The following INTS11 variants were observed in gnomAD, a reference collection of about 807,000 sequenced individuals.
INTS11 encodes integrator complex subunit 11, also known as CPSF3-like protein.
In INTS11, 77 loss-of-function variants were observed where a neutral mutation model predicts 78.6. That is an observed-to-expected ratio of 0.98 (90% confidence interval 0.81 to 1.18). The LOEUF (loss-of-function observed/expected upper bound fraction) is 1.18, where lower values mean the gene tolerates loss of function less well. INTS11 is among the 50% of genes most tolerant of loss of function. The probability of loss-of-function intolerance (pLI) is 0.00; values close to 1 mark genes in which losing one functional copy is unlikely to be tolerated. For missense variants in INTS11, 875 were observed against 825.9 expected, an observed-to-expected ratio of 1.06 and a Z score of -0.73; for synonymous variants, 441 against 326.9, an observed-to-expected ratio of 1.35 and a Z score of -3.77.
Position 1,312,638 on chromosome 1 carries a change from G to T in INTS11, c.1357C>A (p.Pro453Thr). ...AGCAGCCCCAGCGAGATGCCTACGGGGATGCTGGGGCTTGTGGGCAGCGTC... is the reference window on the plus strand; with the variant it reads ...AGCAGCCCCAGCGAGATGCCTACGGTGATGCTGGGGCTTGTGGGCAGCGTC... ...TVTLPTSPSI[P>T]VGISLGLLKR... Residue 453 changes from proline to threonine, a missense_variant, in exon 13 of 17, where the codon CCC becomes ACC. Coordinates refer to ENST00000435064, the MANE Select transcript of INTS11 (RefSeq NM_017871.6). The T allele has an allele frequency of 6.3e-7, 1 of 1,591,066 alleles. No homozygotes were observed. Among genetic ancestry groups the T allele is most frequent in the East Asian group, 2.3e-5 (1 of 44,398 alleles).
At chr1:1,317,353 C>A (rs914980222) in intron 4 of INTS11, 1 of 377,002 alleles carries the variant, frequency 2.7e-6, no homozygotes, top group South Asian at 1.1e-4. Context: ...TGAGATCGCA[C>A]CACTGCACTA....
chr1:1,312,363 G>C lies in INTS11; in HGVS notation c.1470C>G (p.Phe490Leu), dbSNP rs1214623876. 5 of 1,565,914 alleles carry C rather than the reference G, an allele frequency of 3.2e-6. No individual in the cohort carries two copies. The highest frequency in any genetic ancestry group is 2.3e-5 in the South Asian group (2 of 85,434). ...GGGCTTGCTCTGAGGACACCAGCCGGAAGTTCTGTGGGGCAGGGACAGGTC... is the reference window on the plus strand; with the variant it reads ...GGGCTTGCTCTGAGGACACCAGCCGCAAGTTCTGTGGGGCAGGGACAGGTC... ...HGTLIMKDSN[F>L]RLVSSEQALK... The change falls in exon 15 of 17, where the codon TTC becomes TTG. Residue 490 changes from phenylalanine to leucine, a missense_variant. Phe to Leu is a conservative substitution (Grantham distance 22). Transcript: ENST00000435064.
chr1:1,322,567 G>T (rs1453025423), intron 1 of INTS11, among the ~76,000 whole-genome samples: 1 of 83,686 alleles, frequency 1.2e-5, no homozygotes, highest in Non-Finnish European at 2.5e-5. Flanking sequence ...GGGGGAGGGG[G>T]AGGGACGGGG....
chr1:1,315,371 C>T (rs748904779), intron 6 of INTS11, 33 bp downstream of exon 6: 1 of 1,612,876 alleles, frequency 6.2e-7, no homozygotes, highest in African/African-American at 1.3e-5. Context: ...CCAGGGGGGC[C>T]CACGGGACAA....
chr1:1,311,949 G>A (rs564287594), intron 16 of INTS11, 25 bp from the exon 17 acceptor site: 10 of 1,586,190 alleles, frequency 6.3e-6, no homozygotes, highest in South Asian at 2.3e-5. Flanking sequence ...AAAGCATTGT[G>A]GGTGGTGCAG....
intron 4 of INTS11, chr1:1,317,353 C>T (rs914980222): frequency 1.1e-5 from 4 of 377,002 alleles, no homozygotes; most frequent in African/African-American, 2.2e-5. Context: ...TGAGATCGCA[C>T]CACTGCACTA....
intron 1 of INTS11, chr1:1,321,888 T>TC: frequency 1.5e-6 from 2 of 1,318,212 alleles, no homozygotes; most frequent in Non-Finnish European, 9.8e-7. Context: ...TGAACAGTTT[T>TC]CCCCTTGAAT....
In INTS11 at chr1:1,312,448, T is replaced by C; in HGVS notation, c.1456A>G (p.Lys486Glu). 1.3e-6 allele frequency: 2 copies of C among 1,570,788 alleles called. No homozygotes were observed. Among genetic ancestry groups the C allele is most frequent in the Non-Finnish European group, 1.7e-6 (2 of 1,158,514 alleles). The stretch of plus-strand genomic sequence containing the variant: ...ACCGTCCTGGCACTCACGCTGTCCT[T>C]CATGATCAGGGTGCCGTGCAGGAGC... Reference protein sequence around the residue: ...PRLLHGTLIMKDSNFRLVSSE... With the variant: ...PRLLHGTLIMEDSNFRLVSSE... The change falls in exon 14 of 17, where the codon AAG (lysine) becomes GAG (glutamate). Residue 486 changes from lysine to glutamate, a missense_variant. Physicochemically the swap from Lys to Glu is moderately conservative, Grantham distance 56 (BLOSUM62 1). Coordinates refer to ENST00000435064, the MANE Select transcript of INTS11 (RefSeq NM_017871.6).
Position 1,314,809 on chromosome 1 carries a change from C to T in INTS11, c.702+15G>A. 2 of 1,606,386 alleles carry T rather than the reference C, an allele frequency of 1.2e-6. No homozygotes were observed. The highest frequency in any genetic ancestry group is 1.3e-5 in the African/African-American group (1 of 74,928). Reference sequence around the variant, plus strand: ...CATGGCCGAGGGCCCATGTCCCCACCCCTGCTGCAGCTACCTTCCCACCAC... The same window carrying T: ...CATGGCCGAGGGCCCATGTCCCCACTCCTGCTGCAGCTACCTTCCCACCAC... On this transcript the variant is annotated intron_variant, in intron 7 of 16. Coordinates refer to ENST00000435064, the MANE Select transcript of INTS11 (RefSeq NM_017871.6). The surrounding 1 kb of genome is among the most constrained non-coding windows in gnomAD (Gnocchi z 4.2).
intron 1 of INTS11, among the ~76,000 whole-genome samples, chr1:1,321,388 G>A (rs1642939279): frequency 6.6e-6 from 1 of 152,098 alleles, no homozygotes; most frequent in Non-Finnish European, 1.5e-5. Context: ...GCACTGTGCT[G>A]TGGCCCTCAG....
intron 1 of INTS11, chr1:1,321,816 GC>G (rs1642962698): frequency 1.0e-6 from 1 of 955,962 alleles, no homozygotes; most frequent in Non-Finnish European, 1.4e-6. Context: ...TGGCCTGGGG[GC>G]CCGAGAGGAA....
At chr1:1,318,971 C>G in intron 4 of INTS11, 1 of 717,294 alleles carries the variant, frequency 1.4e-6, no homozygotes, top group South Asian at 1.5e-5. Flanking sequence ...TCCAGCGAGT[C>G]TCTGGCCGCT....
At chr1:1,315,269 A>C in intron 6 of INTS11, 135 bp downstream of exon 6, 1 of 1,107,304 alleles carries the variant, frequency 9.0e-7, no homozygotes, top group Non-Finnish European at 1.3e-6. Flanking sequence ...CCCAGAACGA[A>C]GGGGGCTCTC....
chr1:1,321,841 C>T, intron 1 of INTS11: 1 of 1,181,876 alleles, frequency 8.5e-7, no homozygotes, highest in Non-Finnish European at 1.1e-6. Context: ...GTCACGGCCC[C>T]TGCACAGACT....
chr1:1,312,208 G>GGT lies in INTS11; in HGVS notation c.1607+17_1607+18insAC. 1 of 1,123,370 alleles carries GGT rather than the reference G, an allele frequency of 8.9e-7. No individual in the cohort carries two copies. Among genetic ancestry groups the GGT allele is most frequent in the East Asian group, 2.8e-5 (1 of 36,204 alleles). The allele number at this position is 1,123,370 out of a possible 1,614,324, so 69.6% of individuals were successfully genotyped here. ...CAGGGCCCAAGGGAGTGGGGGGGGG[G>GGT]CGGGGCCGGGCGCCCACCTCTTGAG... On this transcript the variant is annotated intron_variant, in intron 15 of 16. Transcript: ENST00000435064.
At chr1:1,313,155 G>C in intron 10 of INTS11, 31 bp from the exon 11 acceptor site, 1 of 1,590,696 alleles carries the variant, frequency 6.3e-7, no homozygotes, top group Non-Finnish European at 8.5e-7. Context: ...CACAGCCAGG[G>C]AACTCCAGCC....
intron 6 of INTS11, 101 bp from the exon 7 acceptor site, chr1:1,315,063 C>T: frequency 7.0e-7 from 1 of 1,431,510 alleles, no homozygotes; most frequent in Non-Finnish European, 9.6e-7. Context: ...CAGCCGCCTT[C>T]CTAGGTCACT....
chr1:1,315,237 CCT>C, intron 6 of INTS11, 165 bp downstream of exon 6: 1 of 843,140 alleles, frequency 1.2e-6, no homozygotes, highest in Non-Finnish European at 1.9e-6. Context: ...CTGCCTGGAC[CCT>C]GTGCCTTCGC....
At position 1,314,177 on chromosome 1, in the gene INTS11, C is replaced by A. The variant is rs1057185640; in HGVS notation, c.767+124G>T. 2.8e-4 allele frequency: 266 copies of A among 954,116 alleles called. No homozygotes were observed. Among genetic ancestry groups the A allele is most frequent in the Non-Finnish European group, 4.1e-4 (247 of 608,592 alleles). 59.1% of individuals were successfully genotyped at this position (954,116 alleles called of 1,614,324 possible). A position where few individuals can be genotyped will look rare whatever the true frequency, so the allele number is the denominator to read the frequency against. On this transcript the variant is annotated intron_variant, in intron 8 of 16. Transcript: ENST00000435064. The surrounding 1 kb of genome is among the most constrained non-coding windows in gnomAD (Gnocchi z 4.2). The stretch of plus-strand genomic sequence containing the variant: ...CTGGGGTCACACAGCACACGAGCGG[C>A]CCCCCAGGACAGCAGCAAGCAGGGC...
Sources: allele counts gnomAD v4.1 joint callset (sites outside exome capture counted in the v4.1 genomes callset), GRCh38; gene constraint gnomAD v4.1.1; non-coding constraint Gnocchi (gnomAD v3.1); transcripts MANE v1.5; gene names NCBI Gene and HGNC (gene_info 2026-07-23, HGNC 2026-07-21).